GPLD1: variants seen among roughly 807,000 people sequenced by gnomAD.
GPLD1 encodes the protein phosphatidylinositol-glycan-specific phospholipase D.
Under a neutral mutation model 112.6 loss-of-function variants are expected in GPLD1, and 84 were observed. That is an observed-to-expected ratio of 0.75 (90% CI 0.63 to 0.89). GPLD1 has a LOEUF of 0.89. Ranked by LOEUF, GPLD1 falls within the 40% of genes least tolerant of loss-of-function variation. The pLI is 0.00. For missense variants in GPLD1, 1,044 were observed against 1,051.5 expected (o/e 0.99, Z 0.10); for synonymous variants, 386 against 403.8 (o/e 0.96, Z 0.53).
intron 2 of GPLD1, 66 bp from the exon 3 acceptor site, chr6:24,480,025 C>A (rs1764149351): frequency 2.1e-6 from 2 of 940,658 alleles, no homozygotes; most frequent in African/African-American, 1.6e-5. Context: ...ATAGGCCCCA[C>A]CAATTTTCTG....
intron 24 of GPLD1, among the ~76,000 whole-genome samples, chr6:24,430,602 ACTT>A (rs1236399284): frequency 8.3e-5 from 2 of 24,182 alleles, no homozygotes; most frequent in Non-Finnish European, 1.5e-4. Context: ...TGAGAGCACT[ACTT>A]ACTTAAGTAG....
intron 12 of GPLD1, among the ~76,000 whole-genome samples, chr6:24,459,688 T>A (rs952823515): frequency 2.0e-5 from 3 of 152,252 alleles, no homozygotes; most frequent in African/African-American, 7.2e-5. Flanking sequence ...TTGTCTTTCA[T>A]TTTATATCCC....
At chr6:24,439,936 C>G (rs1019201706) in intron 20 of GPLD1, among the ~76,000 whole-genome samples, 1 of 152,166 alleles carries the variant, frequency 6.6e-6, no homozygotes, top group Non-Finnish European at 1.5e-5. Context: ...ATTTCTGCCA[C>G]GAGCACTAGT....
At chr6:24,440,791 A>ATAGG (rs201680718) in intron 20 of GPLD1, among the ~76,000 whole-genome samples, 2 of 151,822 alleles carry the variant, frequency 1.3e-5, no homozygotes, top group African/African-American at 2.4e-5. Context: ...GGAAAGTGAG[A>ATAGG]TAGGTAGGTA....
At chr6:24,484,194 C>G (rs1481722517) in intron 2 of GPLD1, among the ~76,000 whole-genome samples, 1 of 151,908 alleles carries the variant, frequency 6.6e-6, no homozygotes, top group Non-Finnish European at 1.5e-5. Context: ...GGATTACTGA[C>G]GTGAGCCACC....
chr6:24,445,531 C>G lies in GPLD1; in HGVS notation c.2020+15G>C. On this transcript the variant is annotated intron_variant, in intron 20 of 24. Transcript: ENST00000230036. The stretch of plus-strand genomic sequence containing the variant: ...ATGACTGAAAGGAAGCACAGTTTCA[C>G]AGTGTGTGACCTACCGTACGTAGGG... 1 of 1,575,926 alleles carries G rather than the reference C, an allele frequency of 6.3e-7. No homozygotes were observed. The highest frequency in any genetic ancestry group is 8.7e-7 in the Non-Finnish European group (1 of 1,145,414).
chr6:24,488,535 T>C (rs1431927570), intron 1 of GPLD1, among the ~76,000 whole-genome samples: 2 of 152,170 alleles, frequency 1.3e-5, no homozygotes, highest in Non-Finnish European at 2.9e-5. Flanking sequence ...CGTTAAAACA[T>C]GTTACAAATA....
intron 13 of GPLD1, among the ~76,000 whole-genome samples, chr6:24,454,672 G>A (rs964088749): frequency 6.6e-6 from 1 of 152,212 alleles, no homozygotes; most frequent in African/African-American, 2.4e-5. Flanking sequence ...CCTGGCAGTG[G>A]GCCAAATCAA....
At chr6:24,437,381 T>C in intron 20 of GPLD1, 92 bp from the exon 21 acceptor site, 1 of 1,232,198 alleles carries the variant, frequency 8.1e-7, no homozygotes, top group Admixed American at 1.9e-5. Context: ...CACTGATCAC[T>C]CGGGATCCTA....
chr6:24,466,165 C>A (rs183938901), intron 10 of GPLD1, among the ~76,000 whole-genome samples: 1 of 152,218 alleles, frequency 6.6e-6, no homozygotes, highest in African/African-American at 2.4e-5. Flanking sequence ...GCCAATATGG[C>A]GAAACCTCAT....
chr6:24,489,012 A>C (rs1764475536), intron 1 of GPLD1, among the ~76,000 whole-genome samples: 2 of 152,170 alleles, frequency 1.3e-5, no homozygotes, highest in African/African-American at 4.8e-5. Context: ...ATATACTTGG[A>C]AATGCCTGTC....
At chr6:24,456,752 AAAC>A (rs1763281515) in intron 12 of GPLD1, 115 bp from the exon 13 acceptor site, 4 of 642,914 alleles carry the variant, frequency 6.2e-6, no homozygotes, top group African/African-American at 1.8e-5. Context: ...TAGAAGTGCT[AAAC>A]AATAAAATAA....
At chr6:24,476,351 C>T in intron 3 of GPLD1, 73 bp from the exon 4 acceptor site, 1 of 754,658 alleles carries the variant, frequency 1.3e-6, no homozygotes, top group Admixed American at 2.1e-5. Flanking sequence ...TTCCACACCA[C>T]CCGCTGCGCT....
At chr6:24,471,610 C>T (rs1439096948) in intron 7 of GPLD1, among the ~76,000 whole-genome samples, 2 of 152,148 alleles carry the variant, frequency 1.3e-5, no homozygotes, top group African/African-American at 4.8e-5. Flanking sequence ...TCAGAACATA[C>T]AAAAAATTAA....
At chr6:24,448,272 C>G in intron 15 of GPLD1, 64 bp from the exon 16 acceptor site, 2 of 1,124,738 alleles carry the variant, frequency 1.8e-6, no homozygotes, top group Middle Eastern at 3.9e-4. Flanking sequence ...CCTTAAATAA[C>G]AGAAGATAAA....
At chr6:24,492,241 A>T (rs1486847948), upstream of GPLD1, among the ~76,000 whole-genome samples, 1 of 152,134 alleles carries the variant, frequency 6.6e-6, no homozygotes, top group Non-Finnish European at 1.5e-5. Context: ...ACAGTGTCTC[A>T]TGCCTGTAAT....
chr6:24,473,541 A>G (rs370101338), intron 6 of GPLD1, 78 bp downstream of exon 6: 16 of 856,410 alleles, frequency 1.9e-5, no homozygotes, highest in Non-Finnish European at 3.0e-5. Flanking sequence ...AAAGACACAC[A>G]TATTTAAAGC....
intron 1 of GPLD1, 60 bp from the exon 2 acceptor site, chr6:24,486,190 G>A (rs1764369014): frequency 3.1e-6 from 3 of 977,574 alleles, no homozygotes; most frequent in Non-Finnish European, 4.8e-6. Context: ...CATAACTTAG[G>A]CGAGATGATT....
intron 22 of GPLD1, chr6:24,433,669 A>AT (rs565679466): frequency 2.7e-4 from 83 of 311,172 alleles, no homozygotes; most frequent in African/African-American, 1.6e-3. Flanking sequence ...ATTTTTTTGT[A>AT]TTTTTAGTAG....
Sources: gnomAD v4.1 joint callset for allele counts (sites outside exome capture counted in the v4.1 genomes callset) on GRCh38, gnomAD v4.1.1 for gene constraint, MANE v1.5 for transcripts, NCBI Gene and HGNC (gene_info 2026-07-23, HGNC 2026-07-21) for gene names.